NAV1: variants seen among roughly 807,000 people sequenced by gnomAD.
NAV1 encodes neuron navigator 1.
A neutral mutation model predicts 175.2 loss-of-function variants in NAV1; 18 were observed. That is an observed-to-expected ratio of 0.10 (90% CI 0.07 to 0.15). NAV1 has a LOEUF of 0.15. NAV1 is among the 10% of genes least tolerant of loss of function. The pLI is 1.00. For synonymous variants in NAV1, 897 were observed against 978.7 expected (o/e 0.92, Z 1.56); for missense variants, 1,731 against 2,436.6 (o/e 0.71, Z 6.10).
chr1:201,648,754 G>C, exon 1 of NAV1: 1 of 1,402,952 alleles, frequency 7.1e-7, no homozygotes, highest in Non-Finnish European at 9.2e-7. Flanking sequence ...GAACCGCGGG[G>C]CGCCGGCAGG....
chr1:201,807,907 G>A lies in NAV1; in HGVS notation c.3649-46G>A. ...CTCAATCCAGTCCTCCCCCATCCCA[G>A]TAGTGGAGTCCTAATGTCCCTCTAC... On this transcript the variant is annotated intron_variant, in intron 17 of 29. Coordinates refer to ENST00000367296, the Ensembl canonical transcript of NAV1. This position sits in a 1 kb window ranked among gnomAD's most constrained non-coding sequence, Gnocchi z 5.4. The A allele has an allele frequency of 6.3e-7, 1 of 1,592,082 alleles. No homozygotes were observed. Among genetic ancestry groups the A allele is most frequent in the Non-Finnish European group, 8.6e-7 (1 of 1,161,040 alleles).
At chr1:201,766,383 C>T (rs1346499570) in intron 3 of NAV1, among the ~76,000 whole-genome samples, 2 of 152,162 alleles carry the variant, frequency 1.3e-5, no homozygotes, top group African/African-American at 4.8e-5. Flanking sequence ...TCTCTAGGGC[C>T]ACATGGGGAT....
At chr1:201,582,835 A>C (rs528490605) in intron 1 of NAV1, among the ~76,000 whole-genome samples, 2 of 152,292 alleles carry the variant, frequency 1.3e-5, no homozygotes, top group South Asian at 4.1e-4. Context: ...GCTGATTGCA[A>C]AGCTGCTGGC....
chr1:201,609,734 G>T (rs567319257), intron 2 of NAV1, among the ~76,000 whole-genome samples: 1 of 152,256 alleles, frequency 6.6e-6, no homozygotes, highest in Non-Finnish European at 1.5e-5. Context: ...CAGCCCCAAG[G>T]TTCCGCTTAC....
At chr1:201,540,970 T>TCCAGGTGAAAGAGAACA (rs532629466) in intron 1 of NAV1, among the ~76,000 whole-genome samples, 1 of 152,234 alleles carries the variant, frequency 6.6e-6, no homozygotes, top group African/African-American at 2.4e-5. Context: ...TCCTGAACTT[T>TCCAGGTGAAAGAGAACA]CCAGGTGAAA....
chr1:201,816,500 GAATAA>G (rs1050211729), intron 28 of NAV1, among the ~76,000 whole-genome samples: 20 of 152,020 alleles, frequency 1.3e-4, no homozygotes, highest in African/African-American at 4.8e-4. Context: ...ATTAAAAAAT[GAATAA>G]AATAAATTGA....
intron 3 of NAV1, among the ~76,000 whole-genome samples, chr1:201,730,495 G>A (rs1672808577): frequency 6.6e-6 from 1 of 152,240 alleles, no homozygotes; most frequent in Non-Finnish European, 1.5e-5. Flanking sequence ...CAGGGGCAGG[G>A]ATCACAGGCC....
intron 1 of NAV1, among the ~76,000 whole-genome samples, chr1:201,707,391 T>C (rs991878849): frequency 6.6e-6 from 1 of 152,230 alleles, no homozygotes; most frequent in Non-Finnish European, 1.5e-5. Context: ...AGCATGTTTG[T>C]GAATTAGCTC....
At chr1:201,587,746 G>T (rs1343505193) in intron 1 of NAV1, among the ~76,000 whole-genome samples, 2 of 152,100 alleles carry the variant, frequency 1.3e-5, no homozygotes, top group African/African-American at 4.8e-5. Flanking sequence ...CAAATTAAAA[G>T]TAGGCAAAAT....
intron 1 of NAV1, among the ~76,000 whole-genome samples, chr1:201,546,920 A>G (rs1665689379): frequency 6.6e-6 from 1 of 151,924 alleles, no homozygotes; most frequent in Admixed American, 6.6e-5. Context: ...AAAAAAAAAA[A>G]AGTAATTTGT....
At chr1:201,581,268 A>G (rs1184128477) in intron 1 of NAV1, among the ~76,000 whole-genome samples, 2 of 152,180 alleles carry the variant, frequency 1.3e-5, no homozygotes, top group South Asian at 2.1e-4. Flanking sequence ...TGCAGGGATA[A>G]TCTTGAGAGA....
chr1:201,789,900 T>C (rs1259420158), intron 11 of NAV1, 108 bp downstream of exon 15: 3 of 1,056,212 alleles, frequency 2.8e-6, no homozygotes, highest in East Asian at 4.7e-5. Context: ...GGGGCACTGC[T>C]GGCTCTTCAC....
chr1:201,698,539 A>G (rs1196196111), intron 1 of NAV1, among the ~76,000 whole-genome samples: 2 of 152,238 alleles, frequency 1.3e-5, no homozygotes, highest in African/African-American at 4.8e-5. Context: ...AGCCACTTCC[A>G]AGGGAATCAC....
chr1:201,789,137 A>G (rs1157900596), intron 10 of NAV1, among the ~76,000 whole-genome samples: 1 of 152,212 alleles, frequency 6.6e-6, no homozygotes, highest in Non-Finnish European at 1.5e-5. Flanking sequence ...AGTACTGATC[A>G]GAGCTAGAAG....
intron 1 of NAV1, among the ~76,000 whole-genome samples, chr1:201,650,119 G>T (rs1316669104): frequency 6.6e-6 from 1 of 152,236 alleles, no homozygotes; most frequent in Non-Finnish European, 1.5e-5. Context: ...CGTTAGCGCC[G>T]AGACTCCTGT....
chr1:201,706,350 G>A (rs1671669332), intron 1 of NAV1, among the ~76,000 whole-genome samples: 1 of 151,710 alleles, frequency 6.6e-6, no homozygotes, highest in African/African-American at 2.4e-5. Flanking sequence ...CCTGGATTTG[G>A]GACCCAGTCC....
chr1:201,637,533 G>T (rs1323166997), intron 2 of NAV1, among the ~76,000 whole-genome samples: 1 of 152,130 alleles, frequency 6.6e-6, no homozygotes, highest in African/African-American at 2.4e-5. Flanking sequence ...AGGTTTTTGG[G>T]TTTGTGTGGC....
intron 1 of NAV1, among the ~76,000 whole-genome samples, chr1:201,654,423 C>T (rs1299705604): frequency 6.8e-6 from 1 of 147,204 alleles, no homozygotes; most frequent in East Asian, 2.0e-4. Flanking sequence ...CCACCCCCAT[C>T]ACAAGCTGCC....
chr1:201,734,413 A>G (rs1672999825), intron 3 of NAV1, among the ~76,000 whole-genome samples: 1 of 150,654 alleles, frequency 6.6e-6, no homozygotes, highest in Admixed American at 6.7e-5. Context: ...TGTCTCAAAA[A>G]AGAAAAAAAG....
Sources: gnomAD v4.1 joint callset for allele counts (sites outside exome capture counted in the v4.1 genomes callset) on GRCh38, gnomAD v4.1.1 for gene constraint, Gnocchi (gnomAD v3.1) non-coding constraint, MANE v1.5 for transcripts, NCBI Gene and HGNC (gene_info 2026-07-23, HGNC 2026-07-21) for gene names.